The following MTSS1 variants were observed in gnomAD, a reference collection of about 807,000 sequenced individuals.
MTSS1 encodes protein MTSS 1.
MTSS1 carries 18 observed loss-of-function variants against 79.0 expected under a neutral mutation model. The ratio of observed to expected loss-of-function variants is 0.23; its 90% CI spans 0.16 to 0.34. MTSS1 has a LOEUF of 0.34. Ranked by LOEUF, MTSS1 falls within the 10% of genes least tolerant of loss-of-function variation. The probability of loss-of-function intolerance (pLI) is 1.00; values close to 1 mark genes in which losing one functional copy is unlikely to be tolerated. For missense variants in MTSS1, 815 were observed against 986.2 expected, an observed-to-expected ratio of 0.83 and a Z score of 2.33; for synonymous variants, 341 against 368.6, an observed-to-expected ratio of 0.93 and a Z score of 0.86.
intron 3 of MTSS1, among the ~76,000 whole-genome samples, chr8:124,624,942 C>T (rs927596581): frequency 3.3e-5 from 5 of 152,200 alleles, no homozygotes; most frequent in Admixed American, 3.3e-4. Flanking sequence ...GATAAATGTT[C>T]TACATGACAT....
chr8:124,578,246 A>ACAGC (rs1829357576), intron 6 of MTSS1, among the ~76,000 whole-genome samples: 1 of 152,086 alleles, frequency 6.6e-6, no homozygotes, highest in South Asian at 2.1e-4. Flanking sequence ...TGGTGGGACG[A>ACAGC]CAGCCCTGCC....
intron 2 of MTSS1, among the ~76,000 whole-genome samples, chr8:124,700,615 C>T (rs906694507): frequency 6.6e-6 from 1 of 152,150 alleles, no homozygotes; most frequent in African/African-American, 2.4e-5. Context: ...GTACTATAGT[C>T]ACTTATGTCC....
intron 3 of MTSS1, among the ~76,000 whole-genome samples, chr8:124,686,790 TCTGAGGTGTTTCCATAAACTGATCC>T (rs1244255252): frequency 1.3e-5 from 2 of 152,108 alleles, no homozygotes; most frequent in Non-Finnish European, 2.9e-5. Flanking sequence ...TGGTCTCAAT[TCTGAGGTGTTTCCATAAACTGATCC>T]CTGAGGTGGG....
intron 3 of MTSS1, among the ~76,000 whole-genome samples, chr8:124,666,925 G>A (rs1236586206): frequency 6.6e-6 from 1 of 152,142 alleles, no homozygotes; most frequent in Non-Finnish European, 1.5e-5. Flanking sequence ...GGAGTTTAGG[G>A]GGAGAGTTGA....
At chr8:124,617,608 G>A (rs1053256854) in intron 3 of MTSS1, among the ~76,000 whole-genome samples, 6 of 152,034 alleles carry the variant, frequency 3.9e-5, no homozygotes, top group African/African-American at 1.5e-4. Context: ...AGGGCGAGAG[G>A]GGTGCAGGGG....
intron 12 of MTSS1, 38 bp downstream of exon 12, chr8:124,556,194 A>C (rs1823716439): frequency 1.2e-6 from 2 of 1,613,838 alleles, no homozygotes; most frequent in East Asian, 4.5e-5. Flanking sequence ...AGCCAGGCTG[A>C]GGTGGCCCCA....
intron 6 of MTSS1, chr8:124,580,548 T>A (rs1264965869): frequency 2.0e-6 from 3 of 1,535,936 alleles, no homozygotes; most frequent in Non-Finnish European, 2.6e-6. Context: ...ATGGTAGACT[T>A]ACCAAGAGTG....
intron 3 of MTSS1, among the ~76,000 whole-genome samples, chr8:124,622,273 A>G (rs1813712282): frequency 6.6e-6 from 1 of 151,964 alleles, no homozygotes; most frequent in East Asian, 1.9e-4. Context: ...TTTTAAGTAG[A>G]AGACATAGAA....
At chr8:124,644,282 C>T (rs1818614751) in intron 3 of MTSS1, among the ~76,000 whole-genome samples, 1 of 152,234 alleles carries the variant, frequency 6.6e-6, no homozygotes, top group African/African-American at 2.4e-5. Context: ...TCTCTGTCTT[C>T]TTTGATCTCA....
chr8:124,690,925 T>C (rs1827834216), intron 3 of MTSS1, among the ~76,000 whole-genome samples: 1 of 152,206 alleles, frequency 6.6e-6, no homozygotes. Flanking sequence ...AGTTCTTATG[T>C]ATAGTATGAG....
chr8:124,634,372 C>T (rs947778468), intron 3 of MTSS1, among the ~76,000 whole-genome samples: 1 of 151,682 alleles, frequency 6.6e-6, no homozygotes, highest in Non-Finnish European at 1.5e-5. Flanking sequence ...GTCTCAAACT[C>T]CTCCCACTCA....
chr8:124,627,084 C>T (rs372136926), intron 3 of MTSS1, among the ~76,000 whole-genome samples: 46 of 152,032 alleles, frequency 3.0e-4, no homozygotes, highest in African/African-American at 1.0e-3. Context: ...AAGTTTGCAC[C>T]GAGAAAAGCT....
chr8:124,562,831 G>A lies in MTSS1; in HGVS notation c.986C>T (p.Ala329Val). ...SHDSGFISQD[A>V]FQSKSPSPMP... ...GGGGGATGGTGACTTGGACTGGAAG[G>A]CATCCTGGGATATGAATCCTGAGTC... Residue 329 changes from alanine (A) to valine (V), a missense_variant, in exon 10 of 14, where the codon GCC becomes GTC. Ala to Val is a moderately conservative substitution (Grantham distance 64, BLOSUM62 0). Transcript: ENST00000518547. 1.2e-6 allele frequency: 2 copies of A among 1,614,146 alleles called. No homozygotes were observed. The highest frequency in any genetic ancestry group is 1.3e-5 in the African/African-American group (1 of 75,028).
chr8:124,695,467 T>C lies in MTSS1; in HGVS notation c.208+4059A>G, dbSNP rs184458616. Among the ~76,000 whole-genome samples the C allele has an allele frequency of 7.2e-5, 11 of 152,360 alleles. No individual in the cohort carries two copies. In the East Asian group the frequency reaches 1.9e-3, roughly 27 times the overall value. On this transcript the variant is annotated intron_variant, in intron 3 of 13. Transcript: ENST00000518547. The stretch of plus-strand genomic sequence containing the variant: ...ACACCAACCCTAAGCCCAAATCTAT[T>C]TGCTGCTGACCAAAACAGCTTGAAG...
intron 3 of MTSS1, among the ~76,000 whole-genome samples, chr8:124,671,641 T>A (rs933630633): frequency 7.9e-5 from 12 of 152,350 alleles, no homozygotes; most frequent in Non-Finnish European, 7.3e-5. Context: ...GAAGGATTCA[T>A]GGCAACAGCA....
intron 3 of MTSS1, among the ~76,000 whole-genome samples, chr8:124,666,561 G>A (rs943503397): frequency 6.6e-6 from 1 of 152,210 alleles, no homozygotes; most frequent in Non-Finnish European, 1.5e-5. Flanking sequence ...TCGCCACCGG[G>A]ATCCACAGAC....
chr8:124,677,011 A>G (rs1825412056), intron 3 of MTSS1, among the ~76,000 whole-genome samples: 1 of 152,160 alleles, frequency 6.6e-6, no homozygotes, highest in Non-Finnish European at 1.5e-5. Flanking sequence ...GACTATTGAG[A>G]ATTTTAAAGG....
chr8:124,678,267 C>G (rs1045661758), intron 3 of MTSS1, among the ~76,000 whole-genome samples: 2 of 152,194 alleles, frequency 1.3e-5, no homozygotes, highest in Non-Finnish European at 2.9e-5. Context: ...CTCTTTAGCT[C>G]TGAGACCTGG....
chr8:124,722,751 T>C (rs1833131360), intron 1 of MTSS1, among the ~76,000 whole-genome samples: 2 of 152,210 alleles, frequency 1.3e-5, no homozygotes, highest in African/African-American at 4.8e-5. Context: ...ATCTGTCCTC[T>C]GGCTTTTGTT....
Sources: allele counts gnomAD v4.1 joint callset (sites outside exome capture counted in the v4.1 genomes callset), GRCh38; gene constraint gnomAD v4.1.1; transcripts MANE v1.5; gene names NCBI Gene and HGNC (gene_info 2026-07-23, HGNC 2026-07-21).